ST18: variants seen among roughly 807,000 people sequenced by gnomAD.
ST18 encodes the protein suppression of tumorigenicity 18 protein.
Under a neutral mutation model 110.0 loss-of-function variants are expected in ST18, and 50 were observed. The observed-to-expected ratio is 0.45, with a 90% confidence interval of 0.36 to 0.58. The LOEUF is 0.58. ST18 is among the 20% of genes least tolerant of loss of function. The pLI is 0.00. For missense variants in ST18, 1,306 were observed against 1,280.1 expected (o/e 1.02, Z -0.31); for synonymous variants, 461 against 452.4 (o/e 1.02, Z -0.24).
intron 2 of ST18, among the ~76,000 whole-genome samples, chr8:52,311,122 AG>A (rs917264086): frequency 6.6e-6 from 1 of 152,228 alleles, no homozygotes; most frequent in Non-Finnish European, 1.5e-5. Flanking sequence ...CAGATAGGGA[AG>A]GGGTCCATTG....
chr8:52,319,104 A>C (rs978361687), intron 2 of ST18, among the ~76,000 whole-genome samples: 1 of 152,182 alleles, frequency 6.6e-6, no homozygotes, highest in Admixed American at 6.5e-5. Context: ...TGGAAATTTA[A>C]AAAAAATTAT....
At chr8:52,131,084 A>G (rs2049377910) in intron 22 of ST18, among the ~76,000 whole-genome samples, 1 of 152,272 alleles carries the variant, frequency 6.6e-6, no homozygotes, top group Non-Finnish European at 1.5e-5. Context: ...ATCTTTAAAC[A>G]AGCAATTCCT....
chr8:52,172,210 T>C lies in ST18; in HGVS notation c.651A>G (p.Arg217=), dbSNP rs372829510. 2 of 1,614,062 alleles carry C rather than the reference T, an allele frequency of 1.2e-6. No homozygotes were observed. The highest frequency in any genetic ancestry group is 1.7e-5 in the Admixed American group (1 of 59,982). ...GATCTGTTAAAACATACTTTGGGACTCTAGGTGGTTTGGTTTCTTCTGAGA... is the reference window on the plus strand; with the variant it reads ...GATCTGTTAAAACATACTTTGGGACCCTAGGTGGTTTGGTTTCTTCTGAGA... ...SNFSEETKPP[R]VPKYVLTDHK... Residue 217 remains arginine (R), a synonymous_variant, in exon 10 of 26, where the codon AGA becomes AGG. Coordinates refer to ENST00000689386, the MANE Select transcript of ST18 (RefSeq NM_001352837.2).
intron 2 of ST18, among the ~76,000 whole-genome samples, chr8:52,330,314 G>A (rs1383215068): frequency 6.6e-6 from 1 of 152,172 alleles, no homozygotes; most frequent in Non-Finnish European, 1.5e-5. Flanking sequence ...GAGGCATTTT[G>A]CCAAAAGAGC....
chr8:52,189,281 G>T (rs1195329368), intron 8 of ST18, among the ~76,000 whole-genome samples: 1 of 152,144 alleles, frequency 6.6e-6, no homozygotes, highest in Admixed American at 6.5e-5. Flanking sequence ...GAAGGTGCTG[G>T]ATCAAAGGTA....
At chr8:52,354,130 G>C (rs1201877865) in intron 2 of ST18, among the ~76,000 whole-genome samples, 3 of 152,236 alleles carry the variant, frequency 2.0e-5, no homozygotes, top group Non-Finnish European at 4.4e-5. Flanking sequence ...CGAGTTATGT[G>C]CTCACCACTT....
intron 2 of ST18, among the ~76,000 whole-genome samples, chr8:52,237,578 A>G (rs752842722): frequency 6.6e-6 from 1 of 152,204 alleles, no homozygotes; most frequent in Non-Finnish European, 1.5e-5. Context: ...TTCAATTAAA[A>G]CAATCTATCA....
chr8:52,265,058 G>A (rs1030647180), intron 2 of ST18, among the ~76,000 whole-genome samples: 4 of 152,200 alleles, frequency 2.6e-5, no homozygotes, highest in Non-Finnish European at 5.9e-5. Flanking sequence ...AAAGCTGCAC[G>A]ATGGAGCTGA....
intron 8 of ST18, among the ~76,000 whole-genome samples, chr8:52,193,036 T>C (rs1399681866): frequency 6.6e-6 from 1 of 152,182 alleles, no homozygotes; most frequent in Admixed American, 6.5e-5. Context: ...TTACTGTTTC[T>C]GGCCCAAACT....
intron 2 of ST18, among the ~76,000 whole-genome samples, chr8:52,266,002 C>T (rs1454783376): frequency 6.6e-6 from 1 of 152,134 alleles, no homozygotes; most frequent in African/African-American, 2.4e-5. Context: ...CAAGAGGAAA[C>T]CGTTGATTAA....
intron 2 of ST18, among the ~76,000 whole-genome samples, chr8:52,340,008 T>C (rs1177674315): frequency 2.6e-5 from 4 of 152,236 alleles, no homozygotes; most frequent in Admixed American, 2.0e-4. Context: ...TGCTGTAAAG[T>C]GTTAAATAGC....
At chr8:52,173,841 C>T (rs1028857272) in intron 9 of ST18, among the ~76,000 whole-genome samples, 18 of 152,290 alleles carry the variant, frequency 1.2e-4, no homozygotes, top group African/African-American at 3.8e-4. Context: ...CACAGCCATC[C>T]GGTGTGAGCA....
chr8:52,375,150 A>C (rs1433161231), intron 2 of ST18, among the ~76,000 whole-genome samples: 1 of 151,188 alleles, frequency 6.6e-6, no homozygotes, highest in African/African-American at 2.4e-5. Context: ...CCTATTTTTA[A>C]TTTGGGCAGC....
At chr8:52,271,656 G>A (rs994798790) in intron 2 of ST18, among the ~76,000 whole-genome samples, 1 of 152,134 alleles carries the variant, frequency 6.6e-6, no homozygotes, top group Non-Finnish European at 1.5e-5. Flanking sequence ...TTCAGACTGC[G>A]ATTCTGTCAT....
chr8:52,123,320 C>G (rs111784790), intron 23 of ST18, among the ~76,000 whole-genome samples: 1 of 152,144 alleles, frequency 6.6e-6, no homozygotes, highest in Non-Finnish European at 1.5e-5. Flanking sequence ...AAGCCATATG[C>G]ACTTTGTATT....
intron 2 of ST18, among the ~76,000 whole-genome samples, chr8:52,382,847 C>A (rs1423454833): frequency 6.6e-6 from 1 of 151,388 alleles, no homozygotes; most frequent in African/African-American, 2.4e-5. Flanking sequence ...AAGTACAGCA[C>A]AGCCAGGAGA....
At chr8:52,353,637 G>A (rs1183951972) in intron 2 of ST18, among the ~76,000 whole-genome samples, 1 of 152,298 alleles carries the variant, frequency 6.6e-6, no homozygotes, top group Admixed American at 6.5e-5. Flanking sequence ...TTTTAATCAG[G>A]TGTTTCAAAG....
intron 22 of ST18, among the ~76,000 whole-genome samples, chr8:52,130,109 A>G (rs1459647829): frequency 7.9e-6 from 1 of 126,128 alleles, no homozygotes; most frequent in Non-Finnish European, 1.7e-5. Flanking sequence ...AAAGAAAGAA[A>G]GAAAGAAAGA....
chr8:52,279,508 T>A (rs997869260), intron 2 of ST18, among the ~76,000 whole-genome samples: 2 of 152,144 alleles, frequency 1.3e-5, no homozygotes, highest in African/African-American at 4.8e-5. Flanking sequence ...CAACGAGAAG[T>A]TGGGTGGAAA....
Sources: allele counts gnomAD v4.1 joint callset (sites outside exome capture counted in the v4.1 genomes callset), GRCh38; gene constraint gnomAD v4.1.1; transcripts MANE v1.5; gene names NCBI Gene and HGNC (gene_info 2026-07-23, HGNC 2026-07-21).